Variants in NUFIP2 observed in about 807,000 individuals in gnomAD.
NUFIP2 encodes nuclear FMR1 interacting protein 2.
A neutral mutation model predicts 56.9 loss-of-function variants in NUFIP2; 6 were observed. The ratio of observed to expected loss-of-function variants is 0.11; its 90% CI spans 0.06 to 0.21. The LOEUF is 0.21. Ranked by LOEUF, NUFIP2 falls within the 10% of genes least tolerant of loss-of-function variation. The pLI is 1.00. For synonymous variants in NUFIP2, 321 were observed against 298.2 expected (o/e 1.08, Z -0.79); for missense variants, 828 against 826.8 (o/e 1.00, Z -0.02).
chr17:29,282,177 A>T (rs2069144242), intron 2 of NUFIP2, among the ~76,000 whole-genome samples: 1 of 152,148 alleles, frequency 6.6e-6, no homozygotes, highest in Admixed American at 6.6e-5. Flanking sequence ...GCTTAATCTA[A>T]AAACTTCCTG....
At position 29,287,589 on chromosome 17, in the gene NUFIP2, C is replaced by T; in HGVS notation, c.405G>A (p.Leu135=). The T allele has an allele frequency of 6.2e-7, 1 of 1,614,132 alleles. No homozygotes were observed. Residue 135 remains leucine, a synonymous_variant, in exon 2 of 4, where the codon CTG becomes CTA. Coordinates refer to ENST00000225388, the MANE Select transcript of NUFIP2 (RefSeq NM_020772.3). ...NGNQQVVDTS[L]KQTVKANTFG... ...AGGTGTTGGCCTTTACAGTCTGCTT[C>T]AGGCTAGTGTCTACAACTTGCTGGT... is the stretch of plus-strand genomic sequence containing the variant.
intron 2 of NUFIP2, among the ~76,000 whole-genome samples, chr17:29,277,440 T>C (rs1490754339): frequency 6.6e-6 from 1 of 152,210 alleles, no homozygotes; most frequent in Non-Finnish European, 1.5e-5. Flanking sequence ...AATCAATTTA[T>C]CACTAATCAT....
chr17:29,280,546 G>A (rs1018196970), intron 2 of NUFIP2, among the ~76,000 whole-genome samples: 10 of 151,972 alleles, frequency 6.6e-5, no homozygotes, highest in African/African-American at 2.2e-4. Context: ...AGACAACATG[G>A]GTGGTAGCGC....
chr17:29,293,670 GACAC>G (rs145321139), intron 1 of NUFIP2, 109 bp downstream of exon 1: 156 of 1,060,378 alleles, frequency 1.5e-4, no homozygotes, highest in Middle Eastern at 3.4e-4. Flanking sequence ...AGCCGGAGGG[GACAC>G]ACACACACAC....
rs2069010672 is a variant in NUFIP2 at position 29,262,720 on chromosome 17, TAA to T, written c.*1817_*1818del. On this transcript the variant is annotated 3_prime_UTR_variant, in exon 4 of 4. Transcript: ENST00000225388. ...AGTTTCTGAACCTGGACTGATACAA[TAA>T]GTTATTTTATATATATATATATATA... 6.9e-6 allele frequency: 1 copy of T among 145,584 alleles called. No individual in the cohort carries two copies. Among genetic ancestry groups the T allele is most frequent in the Non-Finnish European group, 1.5e-5 (1 of 66,750 alleles). The allele number at this position is 145,584 out of a possible 1,614,324, so 9.0% of individuals were successfully genotyped here.
chr17:29,264,982 T>A (rs1461447455), intron 3 of NUFIP2, among the ~76,000 whole-genome samples: 1 of 152,234 alleles, frequency 6.6e-6, no homozygotes, highest in Non-Finnish European at 1.5e-5. Context: ...TCTTTTGCTG[T>A]TCCCAGCAAA....
rs1463261476 is a variant in NUFIP2, at chr17:29,287,224, C to T, written c.770G>A (p.Gly257Glu). 3 of 1,614,132 alleles carry T rather than the reference C, an allele frequency of 1.9e-6. No homozygotes were observed. Among genetic ancestry groups the T allele is most frequent in the Admixed American group, 3.3e-5 (2 of 60,004 alleles). Residue 257 changes from glycine (G) to glutamate (E), a missense_variant, in exon 2 of 4, where the codon GGA (glycine) becomes GAA (glutamate). By Grantham distance (98) the Gly-to-Glu change is moderately conservative. Coordinates refer to ENST00000225388, the MANE Select transcript of NUFIP2 (RefSeq NM_020772.3). ...ATAGTCAGGCTTGAAAGTTTCAAGT[C>T]CCTGTTTTAAGGTTGGGACACTGGT... ...QETSVPTLKQ[G>E]LETFKPDYSE...
rs2069006960 is a variant in NUFIP2 at position 29,262,147 on chromosome 17, C to A, written c.*2392G>T. ...TTCCTTTTCAAATATATACTCAATT[C>A]AACCTCTGTATGTCACAAACCCAGA... On this transcript the variant is annotated 3_prime_UTR_variant, in exon 4 of 4. Coordinates refer to ENST00000225388, the MANE Select transcript of NUFIP2 (RefSeq NM_020772.3). 6.6e-6 allele frequency: 1 copy of A among 152,402 alleles called. No homozygotes were observed. Among genetic ancestry groups the A allele is most frequent in the Non-Finnish European group, 1.5e-5 (1 of 67,994 alleles). 9.4% of individuals were successfully genotyped at this position (152,402 alleles called of 1,614,324 possible). A position where few individuals can be genotyped will look rare whatever the true frequency, so the allele number is the denominator to read the frequency against.
chr17:29,279,308 G>C (rs1325493999), intron 2 of NUFIP2, among the ~76,000 whole-genome samples: 1 of 152,006 alleles, frequency 6.6e-6, no homozygotes, highest in Non-Finnish European at 1.5e-5. Flanking sequence ...AATCTTATCT[G>C]TTCCCTTATG....
intron 3 of NUFIP2, among the ~76,000 whole-genome samples, chr17:29,265,752 C>T (rs185360651): frequency 1.4e-5 from 2 of 143,822 alleles, no homozygotes; most frequent in Admixed American, 1.4e-4. Flanking sequence ...CAACTGGTCA[C>T]CCAATGGAAA....
chr17:29,284,038 A>G (rs1030945743), intron 2 of NUFIP2, among the ~76,000 whole-genome samples: 2 of 152,358 alleles, frequency 1.3e-5, no homozygotes, highest in South Asian at 2.1e-4. Flanking sequence ...ATTTGCTTAG[A>G]AGTCACAAAT....
At position 29,263,505 on chromosome 17, in the gene NUFIP2, C is replaced by T. The variant is rs1403516751; in HGVS notation, c.*1034G>A. The T allele has an allele frequency of 6.6e-6, 1 of 152,472 alleles. No individual in the cohort carries two copies. The highest frequency in any genetic ancestry group is 2.4e-5 in the African/African-American group (1 of 41,392). 9.4% of individuals were successfully genotyped at this position (152,472 alleles called of 1,614,324 possible). On this transcript the variant is annotated 3_prime_UTR_variant, in exon 4 of 4. Transcript: ENST00000225388. ...AGTTTTCATGGACTTTTTTCTTCCCCTTTTAGATTTTGCTGAGAAATTAAA... is the reference window on the plus strand; with the variant it reads ...AGTTTTCATGGACTTTTTTCTTCCCTTTTTAGATTTTGCTGAGAAATTAAA...
chr17:29,287,907 T>C (rs990744711), intron 1 of NUFIP2, among the ~76,000 whole-genome samples, 191 bp from the exon 2 acceptor site: 2 of 152,184 alleles, frequency 1.3e-5, no homozygotes, highest in Admixed American at 1.3e-4. Flanking sequence ...AACCTACTGC[T>C]AAGCAAAGCA....
At chr17:29,272,159 T>C (rs898282665) in intron 2 of NUFIP2, among the ~76,000 whole-genome samples, 3 of 145,274 alleles carry the variant, frequency 2.1e-5, no homozygotes, top group East Asian at 4.3e-4. Flanking sequence ...ATAGAACACA[T>C]AGGAAAGGGC....
Position 29,261,970 on chromosome 17 carries a change from T to A in NUFIP2, c.*2569A>T, listed in dbSNP as rs540722276. The A allele has an allele frequency of 6.6e-6, 1 of 152,362 alleles. No individual in the cohort carries two copies. The highest frequency in any genetic ancestry group is 1.5e-5 in the Non-Finnish European group (1 of 67,974). The allele number at this position is 152,362 out of a possible 1,614,324, so 9.4% of individuals were successfully genotyped here. A position where few individuals can be genotyped will look rare whatever the true frequency, so the allele number is the denominator to read the frequency against. ...AAAAACCTTTGGACAGACAGAGAAG[T>A]GATACATTCTTTTTGGCTTCTCTGA... On this transcript the variant is annotated 3_prime_UTR_variant, in exon 4 of 4. Transcript: ENST00000225388.
rs558201906 is a variant in NUFIP2, at chr17:29,272,527, G to A, written c.2003-4997C>T. Among the ~76,000 whole-genome samples, 10 of 152,006 alleles carry A rather than the reference G, an allele frequency of 6.6e-5. 1 individual carries two copies. The East Asian group carries it at 9.7e-4, about 15-fold the overall frequency. On this transcript the variant is annotated intron_variant, in intron 2 of 3. Coordinates refer to ENST00000225388, the MANE Select transcript of NUFIP2 (RefSeq NM_020772.3). ...AGTGCTGGGATTACAGGCGTGAGCC[G>A]CTGCACCTGGCCCCTCGTTTGTGTG...
intron 2 of NUFIP2, among the ~76,000 whole-genome samples, chr17:29,278,955 A>G (rs1030410729): frequency 7.2e-5 from 11 of 152,206 alleles, no homozygotes; most frequent in South Asian, 2.1e-4. Flanking sequence ...ATTCATTACT[A>G]TATGTCCCAC....
At position 29,287,317 on chromosome 17, in the gene NUFIP2, G is replaced by C. The variant is rs756574795; in HGVS notation, c.677C>G (p.Ala226Gly). 1.9e-6 allele frequency: 3 copies of C among 1,613,976 alleles called. No individual in the cohort carries two copies. Among genetic ancestry groups the C allele is most frequent in the Admixed American group, 1.7e-5 (1 of 59,972 alleles). ...ACAACCCTTGGCACTATTGCGCCTA[G>C]CTTTCCTTTTTTTAGGAGTTGTATA... ...SGYTTPKKRK[A>G]RRNSAKGCEN... The change falls in exon 2 of 4, where the codon GCT becomes GGT. Residue 226 changes from alanine (A) to glycine (G), a missense_variant. By Grantham distance (60) the Ala-to-Gly change is moderately conservative. This residue lies in a region of NUFIP2 where 415 missense variants were observed against 408.7 expected (regional missense o/e 1.02). Transcript: ENST00000225388.
chr17:29,277,373 T>C (rs935213001), intron 2 of NUFIP2, among the ~76,000 whole-genome samples: 1 of 152,070 alleles, frequency 6.6e-6, no homozygotes, highest in Non-Finnish European at 1.5e-5. Flanking sequence ...CCACCAGAGA[T>C]AGATAACAAA....
Sources: gnomAD v4.1 joint callset for allele counts (sites outside exome capture counted in the v4.1 genomes callset) on GRCh38, gnomAD v4.1.1 for gene constraint, gnomAD v4.1.1 regional missense constraint, MANE v1.5 for transcripts, NCBI Gene and HGNC (gene_info 2026-07-23, HGNC 2026-07-21) for gene names.